The following SHPRH variants were observed in gnomAD, a reference collection of about 807,000 sequenced individuals.
The protein encoded by SHPRH is E3 ubiquitin-protein ligase SHPRH.
Under a neutral mutation model 202.5 loss-of-function variants are expected in SHPRH, and 106 were observed. The observed-to-expected ratio is 0.52, with a 90% CI of 0.45 to 0.62. The LOEUF (loss-of-function observed/expected upper bound fraction) is 0.62, where lower values mean the gene tolerates loss of function less well. Ranked by LOEUF, SHPRH falls within the 20% of genes least tolerant of loss-of-function variation. The pLI, the probability that SHPRH is intolerant of heterozygous loss-of-function variation, is 0.00. For missense variants in SHPRH, 1,710 were observed against 2,020.0 expected (o/e 0.85, Z 2.94); for synonymous variants, 729 against 686.0 (o/e 1.06, Z -0.98).
chr6:145,943,702 T>C lies in SHPRH; in HGVS notation c.1679A>G (p.Asp560Gly). 2 of 1,613,806 alleles carry C rather than the reference T, an allele frequency of 1.2e-6. No homozygotes were observed. Among genetic ancestry groups the C allele is most frequent in the Non-Finnish European group, 8.5e-7 (1 of 1,179,848 alleles). The change falls in exon 9 of 30, where the codon GAT becomes GGT. Residue 560 changes from aspartate (D) to glycine (G), a missense_variant. Physicochemically the swap from Asp to Gly is moderately conservative, Grantham distance 94. This residue lies in a region of SHPRH where 348 missense variants were observed against 356.9 expected (regional missense o/e 0.97). Transcript: ENST00000275233. ...YLPSDTSDDD[D>G]DPYYYYYKSR... ...CTTATAATAATAATAGTAAGGATCATCATCATCATCAGAGGTGTCTGATGG... is the reference window on the plus strand; with the variant it reads ...CTTATAATAATAATAGTAAGGATCACCATCATCATCAGAGGTGTCTGATGG...
intron 2 of SHPRH, among the ~76,000 whole-genome samples, chr6:145,865,405 C>T (rs1049342259): frequency 6.6e-6 from 1 of 152,186 alleles, no homozygotes; most frequent in Non-Finnish European, 1.5e-5. Flanking sequence ...AGAACCCAAC[C>T]ATGTGACATC....
intron 25 of SHPRH, among the ~76,000 whole-genome samples, chr6:145,897,184 A>T (rs1036946857): frequency 6.6e-6 from 1 of 151,886 alleles, no homozygotes; most frequent in Non-Finnish European, 1.5e-5. Flanking sequence ...AGTAAAATTT[A>T]AAAAATTATA....
chr6:145,910,560 G>C lies in SHPRH; in HGVS notation c.4403C>G (p.Ser1468Cys), dbSNP rs760626526. 1 of 1,612,838 alleles carries C rather than the reference G, an allele frequency of 6.2e-7. No individual in the cohort carries two copies. The highest frequency in any genetic ancestry group is 1.7e-5 in the Admixed American group (1 of 59,732). The change falls in exon 25 of 30, where the codon TCT becomes TGT. Residue 1468 changes from serine to cysteine, a missense_variant. Coordinates refer to ENST00000275233, the MANE Select transcript of SHPRH (RefSeq NM_001042683.3). Reference protein sequence around the residue: ...SIIIEQYSVGSHRSSIKCAIC... With the variant: ...SIIIEQYSVGCHRSSIKCAIC... ...TGCACACTTAATGGAGCTTCTGTGA[G>C]ATCCCACGCTGTATTGTTCAATAAT...
chr6:145,962,125 CT>C (rs982612077), intron 1 of SHPRH, among the ~76,000 whole-genome samples: 2 of 152,132 alleles, frequency 1.3e-5, no homozygotes, highest in African/African-American at 4.8e-5. Flanking sequence ...ATATAAAAGC[CT>C]TTTGCTTGAA....
chr6:145,929,825 A>T (rs943182314), intron 14 of SHPRH, among the ~76,000 whole-genome samples: 4 of 152,078 alleles, frequency 2.6e-5, no homozygotes, highest in Admixed American at 1.3e-4. Context: ...AGATATTGAT[A>T]ACAGAATTTA....
chr6:145,941,613 A>C lies in SHPRH; in HGVS notation c.2490+10T>G. On this transcript the variant is annotated intron_variant, in intron 10 of 29. Coordinates refer to ENST00000275233, the MANE Select transcript of SHPRH (RefSeq NM_001042683.3). The stretch of plus-strand genomic sequence containing the variant: ...CCCCAGCCCTCAAAAGATTTTGCAG[A>C]AACTCTCACTTTTACTGTGGGACAC... The C allele has an allele frequency of 6.2e-7, 1 of 1,611,964 alleles. No individual in the cohort carries two copies. The highest frequency in any genetic ancestry group is 8.5e-7 in the Non-Finnish European group (1 of 1,178,572).
intron 2 of SHPRH, among the ~76,000 whole-genome samples, chr6:145,953,080 C>T (rs535202990): frequency 6.6e-6 from 1 of 152,150 alleles, no homozygotes; most frequent in African/African-American, 2.4e-5. Flanking sequence ...TTCTCATTTA[C>T]AAAATGGAGA....
At position 145,947,614 on chromosome 6, in the gene SHPRH, G is replaced by A. The variant is rs370659199; in HGVS notation, c.1091C>T (p.Pro364Leu). 18 of 1,612,376 alleles carry A rather than the reference G, an allele frequency of 1.1e-5. No individual in the cohort carries two copies. The African/African-American group carries it at 1.5e-4, about 13-fold the overall frequency. Residue 364 changes from proline to leucine, a missense_variant, in exon 6 of 30, where the codon CCG (proline) becomes CTG (leucine). Pro to Leu is a moderately conservative substitution (Grantham distance 98). Around this residue, in one of 8 missense-constraint regions of SHPRH, gnomAD observed 459 missense variants for 426.5 expected, o/e 1.08. Transcript: ENST00000275233. ...TGCTAAAATTCCACCAAGCAACTGC[G>A]GCCCAGAATTTGGGTACTCACGAAT... is the stretch of plus-strand genomic sequence containing the variant. ...CIIREYPNSGPQLLGGILADE... is the reference protein window; with the variant it reads ...CIIREYPNSGLQLLGGILADE...
rs768870207 is a variant in SHPRH, at chr6:145,888,031, A to G, written c.4944T>C (p.Thr1648=). ...IEERMQAMLK[T]AERSHTNSSA... ...AAATTATTACCTACCTTCTCTCAGCAGTTTTCAGCATTGCCTGCATTCTTT... is the reference window on the plus strand; with the variant it reads ...AAATTATTACCTACCTTCTCTCAGCGGTTTTCAGCATTGCCTGCATTCTTT... Residue 1648 remains threonine, a synonymous_variant, in exon 29 of 30, where the codon ACT becomes ACC. Coordinates refer to ENST00000275233, the MANE Select transcript of SHPRH (RefSeq NM_001042683.3). 1 of 1,611,996 alleles carries G rather than the reference A, an allele frequency of 6.2e-7. No homozygotes were observed. Among genetic ancestry groups the G allele is most frequent in the Admixed American group, 1.7e-5 (1 of 59,978 alleles).
rs10631165 is a variant in SHPRH at position 145,925,341 on chromosome 6, TAC to T, written c.3295-497_3295-496del. Among the ~76,000 whole-genome samples, 1,422 of 145,292 alleles carry T rather than the reference TAC, an allele frequency of 9.8e-3. 12 individuals carry two copies. Among genetic ancestry groups the T allele is most frequent in the African/African-American group, 0.027 (1,081 of 39,482 alleles). ...GAAAGTAGATTTTAAATGTTCTCAC[TAC>T]ACACACACACACACACACACACACA... is the stretch of plus-strand genomic sequence containing the variant. On this transcript the variant is annotated intron_variant, in intron 16 of 29. Transcript: ENST00000275233.
chr6:145,894,047 T>TG, intron 27 of SHPRH, 103 bp downstream of exon 27: 3 of 706,416 alleles, frequency 4.2e-6, no homozygotes, highest in Non-Finnish European at 6.5e-6. Flanking sequence ...CCTGTTTATG[T>TG]GGCTTATATG....
intron 11 of SHPRH, 162 bp from the exon 12 acceptor site, chr6:145,935,603 T>C (rs1785982748): frequency 4.3e-6 from 3 of 697,342 alleles, no homozygotes; most frequent in Middle Eastern, 4.0e-4. Flanking sequence ...ATTCCATTTA[T>C]ACTTATTGAG....
At chr6:145,894,058 G>T in intron 27 of SHPRH, 92 bp downstream of exon 27, 1 of 858,412 alleles carries the variant, frequency 1.2e-6, no homozygotes, top group Non-Finnish European at 1.7e-6. Flanking sequence ...GGCTTATATG[G>T]CATGAGACAA....
At chr6:145,903,763 A>C (rs552706188) in intron 25 of SHPRH, 1 of 152,184 alleles carries the variant, frequency 6.6e-6, no homozygotes, top group Non-Finnish European at 1.5e-5. Flanking sequence ...CAGGGTTTCC[A>C]CTGGCAAAAT....
At chr6:145,919,825 AT>A (rs1407600056) in intron 21 of SHPRH, among the ~76,000 whole-genome samples, 1 of 152,152 alleles carries the variant, frequency 6.6e-6, no homozygotes, top group African/African-American at 2.4e-5. Context: ...ATATTCAACT[AT>A]GTATAAATGG....
downstream of SHPRH, chr6:145,884,777 C>T (rs1780850108): frequency 6.6e-6 from 1 of 152,052 alleles, no homozygotes; most frequent in South Asian, 2.1e-4. Flanking sequence ...CCCATATGTT[C>T]TAAGTCTCAG....
intron 12 of SHPRH, 22 bp downstream of exon 12, chr6:145,935,256 A>C: frequency 5.0e-6 from 8 of 1,612,272 alleles, no homozygotes; most frequent in Non-Finnish European, 5.9e-6. Context: ...TACCTTTATC[A>C]ATAAAAACTT....
At chr6:145,924,136 A>G (rs190478397) in intron 17 of SHPRH, among the ~76,000 whole-genome samples, 227 of 152,086 alleles carry the variant, frequency 1.5e-3, no homozygotes, top group Middle Eastern at 3.4e-3. Context: ...TCAGCATAAG[A>G]AAGAAAGCCT....
chr6:145,910,942 AAC>A (rs905805720), intron 24 of SHPRH, among the ~76,000 whole-genome samples: 4 of 152,136 alleles, frequency 2.6e-5, no homozygotes, highest in Non-Finnish European at 4.4e-5. Context: ...CAACAGATAT[AAC>A]AGAGGGACTT....
Sources: gnomAD v4.1 joint callset for allele counts (sites outside exome capture counted in the v4.1 genomes callset) on GRCh38, gnomAD v4.1.1 for gene constraint, gnomAD v4.1.1 regional missense constraint, MANE v1.5 for transcripts, NCBI Gene and HGNC (gene_info 2026-07-23, HGNC 2026-07-21) for gene names.